IL21: variants seen among roughly 807,000 people sequenced by gnomAD.
IL21 encodes interleukin 21, also known as interleukin-21.
IL21 carries 3 observed loss-of-function variants against 18.4 expected under a neutral mutation model. The observed-to-expected ratio is 0.16, with a 90% CI of 0.07 to 0.42. The LOEUF (loss-of-function observed/expected upper bound fraction) is 0.42, where lower values mean the gene tolerates loss of function less well. Among genes scored for constraint, IL21 ranks in the 10% least tolerant of loss-of-function variants. The probability of loss-of-function intolerance (pLI) is 0.99; values close to 1 mark genes in which losing one functional copy is unlikely to be tolerated. For synonymous variants in IL21, 37 were observed against 62.0 expected (o/e 0.60, Z 1.90); for missense variants, 130 against 188.4 (o/e 0.69, Z 1.81).
At position 122,620,709 on chromosome 4, in the gene IL21, C is replaced by A; in HGVS notation, c.196G>T (p.Asp66Tyr). ...LVPEFLPAPE[D>Y]VETNCEWSAF... is the part of the protein sequence containing the mutation. The stretch of plus-strand genomic sequence containing the variant: ...AATTCAACTGGTCTTACCTCTACAT[C>A]TTCTGGAGCTGGCAGAAATTCAGGG... The change falls in exon 2 of 5, where the codon GAT becomes TAT. Residue 66 changes from aspartate (D) to tyrosine (Y), a missense_variant. Transcript: ENST00000648588. 1 of 1,613,246 alleles carries A rather than the reference C, an allele frequency of 6.2e-7. No individual in the cohort carries two copies. The highest frequency in any genetic ancestry group is 8.5e-7 in the Non-Finnish European group (1 of 1,179,760).
chr4:122,620,666 A>G (rs747664210), intron 2 of IL21, 35 bp downstream of exon 2: 1 of 1,584,498 alleles, frequency 6.3e-7, no homozygotes, highest in Admixed American at 1.7e-5. Context: ...ACTTATGTCC[A>G]ATGTATTTTC....
rs1799263124 is a variant in IL21 at position 122,611,484 on chromosome 4, A to G, written c.*1226T>C. ...TATTTTAACAATAAGAGATTCTCAA[A>G]TAGCTTATACCATTCTAGCGAACAT... On this transcript the variant is annotated 3_prime_UTR_variant, in exon 5 of 5. Coordinates refer to ENST00000648588, the MANE Select transcript of IL21 (RefSeq NM_021803.4). Among the ~76,000 whole-genome samples the G allele has an allele frequency of 6.6e-6, 1 of 152,196 alleles. No homozygotes were observed. The highest frequency in any genetic ancestry group is 2.4e-5 in the African/African-American group (1 of 41,454).
intron 3 of IL21, 132 bp from the exon 4 acceptor site, chr4:122,613,060 T>G (rs1486027774): frequency 1.7e-6 from 1 of 604,826 alleles, no homozygotes; most frequent in Non-Finnish European, 2.8e-6. Flanking sequence ...TAAAACTGTT[T>G]GGAAAGTAAC....
At chr4:122,618,317 C>T (rs1458672665) in intron 2 of IL21, among the ~76,000 whole-genome samples, 1 of 150,912 alleles carries the variant, frequency 6.6e-6, no homozygotes, top group Non-Finnish European at 1.5e-5. Flanking sequence ...CAGGATGTCT[C>T]ACTATTTTGC....
chr4:122,615,894 T>C, intron 2 of IL21, 57 bp from the exon 3 acceptor site: 1 of 1,425,590 alleles, frequency 7.0e-7, no homozygotes, highest in Non-Finnish European at 9.6e-7. Flanking sequence ...AAGTAAAAGA[T>C]AGCTTTCCCA....
rs1799252247 is a variant in IL21 at position 122,610,630 on chromosome 4, C to A, written c.*2080G>T. 6.6e-6 allele frequency among the ~76,000 whole-genome samples: 1 copy of A among 152,182 alleles called. No individual in the cohort carries two copies. The highest frequency in any genetic ancestry group is 6.5e-5 in the Admixed American group (1 of 15,274). On this transcript the variant is annotated 3_prime_UTR_variant, in exon 5 of 5. Transcript: ENST00000648588. ...AGAGATTAAGTCCAGCACTCTCATTCTACAGATAAAGAAATGGAAACCCAA... is the reference window on the plus strand; with the variant it reads ...AGAGATTAAGTCCAGCACTCTCATTATACAGATAAAGAAATGGAAACCCAA...
intron 2 of IL21, 88 bp from the exon 3 acceptor site, chr4:122,615,925 C>T: frequency 1.8e-6 from 2 of 1,135,862 alleles, no homozygotes; most frequent in Non-Finnish European, 2.5e-6. Context: ...TCTATCTCTT[C>T]TGCAATGTCG....
At position 122,610,254 on chromosome 4, in the gene IL21, C is replaced by T. The variant is rs1363436323; in HGVS notation, c.*2456G>A. On this transcript the variant is annotated 3_prime_UTR_variant, in exon 5 of 5. Coordinates refer to ENST00000648588, the MANE Select transcript of IL21 (RefSeq NM_021803.4). ...AAATTCTCAGATGCATATGTAAATACAACAGAGCAATAATATAGAATAATA... is the reference window on the plus strand; with the variant it reads ...AAATTCTCAGATGCATATGTAAATATAACAGAGCAATAATATAGAATAATA... Among the ~76,000 whole-genome samples, 1 of 152,066 alleles carries T rather than the reference C, an allele frequency of 6.6e-6. No homozygotes were observed. Among genetic ancestry groups the T allele is most frequent in the Non-Finnish European group, 1.5e-5 (1 of 68,008 alleles).
At chr4:122,617,525 C>T (rs541006433) in intron 2 of IL21, among the ~76,000 whole-genome samples, 1 of 152,126 alleles carries the variant, frequency 6.6e-6, no homozygotes, top group Non-Finnish European at 1.5e-5. Flanking sequence ...GTAGAGGGGC[C>T]CTGCCAGCCA....
chr4:122,618,271 C>A (rs1799367720), intron 2 of IL21, among the ~76,000 whole-genome samples: 1 of 139,992 alleles, frequency 7.1e-6, no homozygotes, highest in Non-Finnish European at 1.5e-5. Flanking sequence ...AAATTTTTTA[C>A]CTCCTTAGGG....
At chr4:122,614,527 T>G (rs568908398) in intron 3 of IL21, among the ~76,000 whole-genome samples, 1 of 151,992 alleles carries the variant, frequency 6.6e-6, no homozygotes, top group Admixed American at 6.5e-5. Context: ...ACCAACATGG[T>G]GAAACCCCGG....
intron 2 of IL21, among the ~76,000 whole-genome samples, chr4:122,619,672 C>T (rs1290794654): frequency 6.6e-6 from 1 of 152,124 alleles, no homozygotes; most frequent in Non-Finnish European, 1.5e-5. Context: ...TTCCAATAAG[C>T]TGAATGTGCT....
Position 122,612,189 on chromosome 4 carries a change from T to G in IL21, c.*521A>C, listed in dbSNP as rs1261354331. On this transcript the variant is annotated 3_prime_UTR_variant, in exon 5 of 5. Transcript: ENST00000648588. ...CCCGGTGCATAAATAAATTACATAT[T>G]TATATGTTAGACATTCTGAGATTTA... Among the ~76,000 whole-genome samples, 1 of 151,870 alleles carries G rather than the reference T, an allele frequency of 6.6e-6. No homozygotes were observed. Among genetic ancestry groups the G allele is most frequent in the Non-Finnish European group, 1.5e-5 (1 of 67,956 alleles).
intron 3 of IL21, among the ~76,000 whole-genome samples, chr4:122,615,005 G>C (rs192213827): frequency 6.6e-6 from 1 of 152,218 alleles, no homozygotes; most frequent in East Asian, 1.9e-4. Context: ...TAGAAAGCTA[G>C]GATCTAGCTC....
intron 3 of IL21, among the ~76,000 whole-genome samples, chr4:122,613,582 T>A: frequency 6.6e-6 from 1 of 151,974 alleles, no homozygotes; most frequent in East Asian, 1.9e-4. Context: ...AAACTCCTGA[T>A]CTCAGGTGAT....
At chr4:122,614,388 G>C (rs1799308140) in intron 3 of IL21, among the ~76,000 whole-genome samples, 1 of 152,064 alleles carries the variant, frequency 6.6e-6, no homozygotes, top group African/African-American at 2.4e-5. Flanking sequence ...CATGTGGAAT[G>C]TTTTTGGAGG....
chr4:122,619,427 T>TA (rs1799391589), intron 2 of IL21: 1 of 152,162 alleles, frequency 6.6e-6, no homozygotes, highest in Non-Finnish European at 1.5e-5. Flanking sequence ...TGATGTAAGA[T>TA]AAAAAATATC....
At chr4:122,619,048 T>C (rs1799384904) in intron 2 of IL21, 1 of 152,020 alleles carries the variant, frequency 6.6e-6, no homozygotes, top group African/African-American at 2.4e-5. Context: ...GCCAAATGTT[T>C]TCTGGGGCAC....
Position 122,612,135 on chromosome 4 carries a change from A to G in IL21, c.*575T>C. 6.6e-6 allele frequency among the ~76,000 whole-genome samples: 1 copy of G among 151,860 alleles called. No homozygotes were observed. The highest frequency in any genetic ancestry group is 1.9e-4 in the East Asian group (1 of 5,200). On this transcript the variant is annotated 3_prime_UTR_variant, in exon 5 of 5. Transcript: ENST00000648588. ...ATATTTTTATAAACCCCAATAAAGA[A>G]GTAAGGCTTTTATAGCCATCTAGTA...
Sources: gnomAD v4.1 joint callset for allele counts (sites outside exome capture counted in the v4.1 genomes callset) on GRCh38, gnomAD v4.1.1 for gene constraint, MANE v1.5 for transcripts, NCBI Gene and HGNC (gene_info 2026-07-23, HGNC 2026-07-21) for gene names.